Variants in TRAPPC9 observed in about 807,000 individuals in gnomAD.
The protein encoded by TRAPPC9 is trafficking protein particle complex subunit 9.
In TRAPPC9, 83 loss-of-function variants were observed where a neutral mutation model predicts 124.0. The observed-to-expected ratio is 0.67, with a 90% CI of 0.56 to 0.80. The LOEUF is 0.80. Among genes scored for constraint, TRAPPC9 ranks in the 30% least tolerant of loss-of-function variants. TRAPPC9 has a pLI of 0.00. For missense variants in TRAPPC9, 1,302 were observed against 1,508.3 expected, an observed-to-expected ratio of 0.86 and a Z score of 2.27; for synonymous variants, 638 against 617.5, an observed-to-expected ratio of 1.03 and a Z score of -0.49.
intron 11 of TRAPPC9, among the ~76,000 whole-genome samples, chr8:140,297,119 C>T (rs1330427409): frequency 6.6e-6 from 1 of 152,220 alleles, no homozygotes; most frequent in Admixed American, 6.5e-5. Flanking sequence ...TCCTGCTTAC[C>T]GCAACACACG....
chr8:140,392,771 A>G (rs2068963792), intron 7 of TRAPPC9, among the ~76,000 whole-genome samples: 1 of 152,232 alleles, frequency 6.6e-6, no homozygotes, highest in South Asian at 2.1e-4. Flanking sequence ...ACAAACAAGA[A>G]TATCTGTACT....
In TRAPPC9 at chr8:139,788,090, C is replaced by A. The variant is rs949649455; in HGVS notation, c.3056-55888G>T. On this transcript the variant is annotated intron_variant, in intron 21 of 22. Coordinates refer to ENST00000438773, the MANE Select transcript of TRAPPC9 (RefSeq NM_001160372.4). The surrounding 1 kb of genome is among the most constrained non-coding windows in gnomAD (Gnocchi z 4.9). The stretch of plus-strand genomic sequence containing the variant: ...AACCCGAATTCCAACCAGGCTTCAG[C>A]CCAGAAGCCACTTCCCCACTGCACT... Among the ~76,000 whole-genome samples, 3 of 152,178 alleles carry A rather than the reference C, an allele frequency of 2.0e-5. No homozygotes were observed. Among genetic ancestry groups the A allele is most frequent in the African/African-American group, 7.2e-5 (3 of 41,428 alleles).
chr8:139,865,085 G>A (rs1828435348), intron 21 of TRAPPC9, among the ~76,000 whole-genome samples: 1 of 152,194 alleles, frequency 6.6e-6, no homozygotes, highest in Non-Finnish European at 1.5e-5. Context: ...GCTGTGATTA[G>A]GTGGCGGCAG....
chr8:139,985,460 C>G (rs965010321), intron 19 of TRAPPC9, among the ~76,000 whole-genome samples: 2 of 152,286 alleles, frequency 1.3e-5, no homozygotes, highest in South Asian at 2.1e-4. Flanking sequence ...CATCGATGCT[C>G]CCTGAAGGCA....
At chr8:140,201,303 G>A (rs1457190262) in intron 17 of TRAPPC9, among the ~76,000 whole-genome samples, 5 of 152,206 alleles carry the variant, frequency 3.3e-5, no homozygotes, top group Admixed American at 6.5e-5. Context: ...TTTTCACAAT[G>A]GAATTAATTA....
At chr8:140,131,619 C>G (rs929483013) in intron 17 of TRAPPC9, among the ~76,000 whole-genome samples, 2 of 152,162 alleles carry the variant, frequency 1.3e-5, no homozygotes, top group African/African-American at 4.8e-5. Context: ...TCCTAGACAA[C>G]CCTGCCACCG....
chr8:140,423,861 C>A (rs1282699456), intron 5 of TRAPPC9, among the ~76,000 whole-genome samples: 1 of 152,044 alleles, frequency 6.6e-6, no homozygotes, highest in Non-Finnish European at 1.5e-5. Context: ...TGAAAGAGGC[C>A]AGTCACAAAA....
intron 17 of TRAPPC9, among the ~76,000 whole-genome samples, chr8:140,158,432 G>A (rs1402215991): frequency 6.6e-6 from 1 of 152,278 alleles, no homozygotes; most frequent in East Asian, 1.9e-4. Context: ...AGAGATGCAG[G>A]CAGCCTGCAG....
chr8:140,115,527 A>G (rs2060864354), intron 17 of TRAPPC9, among the ~76,000 whole-genome samples: 1 of 152,128 alleles, frequency 6.6e-6, no homozygotes, highest in Non-Finnish European at 1.5e-5. Flanking sequence ...TTGGCCTCCC[A>G]AAGTGCTGGG....
chr8:140,125,457 G>A (rs535767901), intron 17 of TRAPPC9, among the ~76,000 whole-genome samples: 22 of 152,280 alleles, frequency 1.4e-4, no homozygotes, highest in East Asian at 7.7e-4. Flanking sequence ...TCTGGAAAGC[G>A]CGTCATCTGT....
chr8:140,343,479 A>G (rs1444891235), intron 9 of TRAPPC9, among the ~76,000 whole-genome samples: 1 of 152,214 alleles, frequency 6.6e-6, no homozygotes. Context: ...ACTGCCACCC[A>G]CAGAGGCAGG....
intron 2 of TRAPPC9, among the ~76,000 whole-genome samples, chr8:140,441,065 A>G (rs542079572): frequency 3.5e-5 from 5 of 141,136 alleles, no homozygotes; most frequent in African/African-American, 1.1e-4. Flanking sequence ...TGCAACCTCC[A>G]AGTCCTGGGC....
chr8:139,884,340 C>A (rs1376531349), intron 21 of TRAPPC9, among the ~76,000 whole-genome samples: 2 of 152,132 alleles, frequency 1.3e-5, no homozygotes, highest in East Asian at 1.9e-4. Flanking sequence ...AACAAAGGCC[C>A]CCAAGCCATC....
intron 21 of TRAPPC9, among the ~76,000 whole-genome samples, chr8:139,849,712 G>A (rs984925559): frequency 9.2e-5 from 14 of 152,314 alleles, no homozygotes; most frequent in South Asian, 2.1e-4. Context: ...AGTGTGCTCA[G>A]TGCTCTCTGC....
chr8:139,973,796 G>A (rs1178339661), intron 19 of TRAPPC9, among the ~76,000 whole-genome samples: 1 of 152,002 alleles, frequency 6.6e-6, no homozygotes. Context: ...TGAGTGCCAG[G>A]CCCCCAAACC....
chr8:139,869,430 A>C (rs904845121), intron 21 of TRAPPC9, among the ~76,000 whole-genome samples: 3 of 152,230 alleles, frequency 2.0e-5, no homozygotes, highest in Non-Finnish European at 4.4e-5. Flanking sequence ...TTCACACTGC[A>C]GGTATCATGG....
At chr8:139,894,931 C>T (rs759190200) in intron 20 of TRAPPC9, among the ~76,000 whole-genome samples, 13 of 152,166 alleles carry the variant, frequency 8.5e-5, no homozygotes, top group Admixed American at 5.9e-4. Flanking sequence ...AGGGAAGACA[C>T]GTTGGGACAT....
chr8:140,436,829 CTA>C (rs1357521482), intron 3 of TRAPPC9, among the ~76,000 whole-genome samples: 1 of 152,240 alleles, frequency 6.6e-6, no homozygotes, highest in African/African-American at 2.4e-5. Context: ...CCAAGTAAAA[CTA>C]TGTCTTTCTC....
chr8:140,454,790 T>C (rs1303885581), intron 1 of TRAPPC9, among the ~76,000 whole-genome samples: 1 of 151,270 alleles, frequency 6.6e-6, no homozygotes, highest in Non-Finnish European at 1.5e-5. Flanking sequence ...AATACAAAAA[T>C]TAGCCAGGCT....
Sources: allele counts gnomAD v4.1 joint callset (sites outside exome capture counted in the v4.1 genomes callset), GRCh38; gene constraint gnomAD v4.1.1; non-coding constraint Gnocchi (gnomAD v3.1); transcripts MANE v1.5; gene names NCBI Gene and HGNC (gene_info 2026-07-23, HGNC 2026-07-21).